Variants in VPS33B observed in about 807,000 individuals in gnomAD.
VPS33B encodes VPS33B late endosome and lysosome associated, also known as vacuolar protein sorting-associated protein 33B.
VPS33B carries 80 observed loss-of-function variants against 95.3 expected under a neutral mutation model. The observed-to-expected ratio is 0.84, with a 90% CI of 0.70 to 1.01. The LOEUF (loss-of-function observed/expected upper bound fraction) is 1.01, where lower values mean the gene tolerates loss of function less well. Among genes scored for constraint, VPS33B ranks in the 50% least tolerant of loss-of-function variants. The probability of loss-of-function intolerance (pLI) is 0.00; values close to 1 mark genes in which losing one functional copy is unlikely to be tolerated. For synonymous variants in VPS33B, 280 were observed against 280.4 expected, an observed-to-expected ratio of 1.00 and a Z score of 0.01; for missense variants, 715 against 773.4, an observed-to-expected ratio of 0.92 and a Z score of 0.90.
chr15:91,008,076 C>CA (rs2040667656), intron 6 of VPS33B, 112 bp from the exon 7 acceptor site: 1 of 932,288 alleles, frequency 1.1e-6, no homozygotes, highest in African/African-American at 1.6e-5. Context: ...GAGTGCCTGC[C>CA]ACATGCCAGT....
chr15:91,019,868 C>T (rs775903507), intron 1 of VPS33B, among the ~76,000 whole-genome samples: 17 of 151,610 alleles, frequency 1.1e-4, no homozygotes, highest in Non-Finnish European at 2.1e-4. Context: ...TGCAATGACG[C>T]GATCTCGGCT....
chr15:91,014,240 AAAG>A (rs2040859942), intron 4 of VPS33B, 141 bp downstream of exon 4: 9 of 877,912 alleles, frequency 1.0e-5, no homozygotes, highest in Admixed American at 2.2e-5. Flanking sequence ...AAAAAAAAAA[AAAG>A]AAGCGGGGAA....
chr15:91,019,688 A>T (rs950712573), intron 1 of VPS33B, among the ~76,000 whole-genome samples: 1 of 152,216 alleles, frequency 6.6e-6, no homozygotes, highest in East Asian at 1.9e-4. Flanking sequence ...CAGGGAGTCC[A>T]CTTAGGGAGT....
In VPS33B at chr15:91,022,193, C is replaced by G. The variant is rs1210213502; in HGVS notation, c.57G>C (p.Lys19Asn). ...AGATGAGCTGGTCTCGAGCCAGCCT[C>G]TTCAGCATGGAGAAGTCAGGCAGCT... Reference protein sequence around the residue: ...APELPDFSMLKRLARDQLIYL... With the variant: ...APELPDFSMLNRLARDQLIYL... The change falls in exon 1 of 23, where the codon AAG (lysine) becomes AAC (asparagine). Residue 19 changes from lysine (K) to asparagine (N), a missense_variant. Coordinates refer to ENST00000333371, the MANE Select transcript of VPS33B (RefSeq NM_018668.5). 2 of 1,585,388 alleles carry G rather than the reference C, an allele frequency of 1.3e-6. No homozygotes were observed. Among genetic ancestry groups the G allele is most frequent in the South Asian group, 2.3e-5 (2 of 87,142 alleles).
chr15:91,012,085 G>GT (rs11430036), intron 5 of VPS33B, among the ~76,000 whole-genome samples: 17,420 of 150,652 alleles, frequency 0.12, 1,199 homozygotes, highest in African/African-American at 0.17. Flanking sequence ...AAAAAAAAAG[G>GT]TTTGTAAGAG....
chr15:91,001,805 G>T (rs1596351087), intron 18 of VPS33B, among the ~76,000 whole-genome samples: 2 of 152,268 alleles, frequency 1.3e-5, no homozygotes, highest in Middle Eastern at 3.4e-3. Flanking sequence ...ATAAAATGAG[G>T]ATGAGAAAAT....
intron 3 of VPS33B, among the ~76,000 whole-genome samples, chr15:91,016,379 T>TC (rs2040926082): frequency 1.5e-5 from 2 of 131,500 alleles, no homozygotes; most frequent in African/African-American, 6.8e-5. Flanking sequence ...ATTCTTCTTT[T>TC]TTTTTTTTTT....
In VPS33B at chr15:91,005,817, A is replaced by G. The variant is rs369752076; in HGVS notation, c.940-33T>C. On this transcript the variant is annotated intron_variant, in intron 12 of 22. Transcript: ENST00000333371. This position sits in a 1 kb window ranked among gnomAD's most constrained non-coding sequence, Gnocchi z 6.4. ...AAAATTCCCAAAGGTGAACCCCCCAACCTCAGACACGAGAAACCACCACCC... is the reference window on the plus strand; with the variant it reads ...AAAATTCCCAAAGGTGAACCCCCCAGCCTCAGACACGAGAAACCACCACCC... 445 of 1,613,360 alleles carry G rather than the reference A, an allele frequency of 2.8e-4. No homozygotes were observed. The highest frequency in any genetic ancestry group is 3.4e-4 in the Non-Finnish European group (404 of 1,179,534).
chr15:91,005,399 C>T lies in VPS33B; in HGVS notation c.1086G>A (p.Glu362=), dbSNP rs1417798978. ...MKKKTKQDFQ[E]LIKTEHALLE... is the part of the protein sequence containing the mutation. ...AGTTACCATGCTCAGTCTTGATTAG[C>T]TCCTGGAAATCCTGCTTGGTTTTCT... is the stretch of plus-strand genomic sequence containing the variant. Residue 362 remains glutamate (E), a synonymous_variant, in exon 14 of 23, where the codon GAG becomes GAA. Coordinates refer to ENST00000333371, the MANE Select transcript of VPS33B (RefSeq NM_018668.5). The surrounding 1 kb of genome is among the most constrained non-coding windows in gnomAD (Gnocchi z 6.4). 2 of 1,614,138 alleles carry T rather than the reference C, an allele frequency of 1.2e-6. No homozygotes were observed. Among genetic ancestry groups the T allele is most frequent in the South Asian group, 1.1e-5 (1 of 91,088 alleles).
At chr15:91,017,367 AATATATAT>A (rs1159663715) in intron 2 of VPS33B, among the ~76,000 whole-genome samples, 416 of 15,746 alleles carry the variant, frequency 0.026, 3 homozygotes, top group Non-Finnish European at 0.037. Context: ...TACAAAATTA[AATATATAT>A]ATATATATAT....
rs1347286097 is a variant in VPS33B, at chr15:91,005,369, G to T, written c.1105+11C>A. On this transcript the variant is annotated intron_variant, in intron 14 of 22. Coordinates refer to ENST00000333371, the MANE Select transcript of VPS33B (RefSeq NM_018668.5). This position sits in a 1 kb window ranked among gnomAD's most constrained non-coding sequence, Gnocchi z 6.4. ...GCGTGGGCAGTAGCACAGCAAGGCT[G>T]CGGCAGTTACCATGCTCAGTCTTGA... 4 of 1,614,062 alleles carry T rather than the reference G, an allele frequency of 2.5e-6. No homozygotes were observed. In the African/African-American group the frequency reaches 5.3e-5, roughly 22 times the overall value.
rs2040383998 is a variant in VPS33B, at chr15:90,999,848, G to A, written c.1657+52C>T. ...CCCTGACATGCTAGTCCTGAGTGGTGCATCCAGCCCACCTCTCACTGCCAG... is the reference window on the plus strand; with the variant it reads ...CCCTGACATGCTAGTCCTGAGTGGTACATCCAGCCCACCTCTCACTGCCAG... On this transcript the variant is annotated intron_variant, in intron 21 of 22. Transcript: ENST00000333371. The surrounding 1 kb of genome is among the most constrained non-coding windows in gnomAD (Gnocchi z 5.1). 2.5e-6 allele frequency: 4 copies of A among 1,613,668 alleles called. No homozygotes were observed. The highest frequency in any genetic ancestry group is 2.7e-5 in the African/African-American group (2 of 74,900).
rs375071362 is a variant in VPS33B at position 91,007,082 on chromosome 15, A to G, written c.604-36T>C. The G allele has an allele frequency of 1.9e-6, 3 of 1,602,078 alleles. No individual in the cohort carries two copies. Among genetic ancestry groups the G allele is most frequent in the African/African-American group, 2.7e-5 (2 of 74,864 alleles). On this transcript the variant is annotated intron_variant, in intron 8 of 22. Transcript: ENST00000333371. The surrounding 1 kb of genome is among the most constrained non-coding windows in gnomAD (Gnocchi z 5.3). Reference sequence around the variant, plus strand: ...CCAAGACATTCTCAGTCTTGTGTCCAGGTCCCTACTGCAGCCCCATACCTA... The same window carrying G: ...CCAAGACATTCTCAGTCTTGTGTCCGGGTCCCTACTGCAGCCCCATACCTA...
Position 91,007,640 on chromosome 15 carries a change from C to T in VPS33B, c.499-67G>A. The T allele has an allele frequency of 6.5e-7, 1 of 1,541,310 alleles. No individual in the cohort carries two copies. The highest frequency in any genetic ancestry group is 9.0e-7 in the Non-Finnish European group (1 of 1,114,660). On this transcript the variant is annotated intron_variant, in intron 7 of 22. Coordinates refer to ENST00000333371, the MANE Select transcript of VPS33B (RefSeq NM_018668.5). The surrounding 1 kb of genome is among the most constrained non-coding windows in gnomAD (Gnocchi z 5.3). Reference sequence around the variant, plus strand: ...GTAGGACCACCTGGAAAGTGGCTAGCCCTAGAAGCCCTGGAGCAGGGTGGC... The same window carrying T: ...GTAGGACCACCTGGAAAGTGGCTAGTCCTAGAAGCCCTGGAGCAGGGTGGC...
intron 5 of VPS33B, among the ~76,000 whole-genome samples, chr15:91,012,616 A>G (rs900120356): frequency 1.3e-5 from 2 of 152,218 alleles, no homozygotes; most frequent in African/African-American, 4.8e-5. Context: ...TGTTCTTCCT[A>G]GTCTAGCTTC....
intron 4 of VPS33B, among the ~76,000 whole-genome samples, 163 bp downstream of exon 4, chr15:91,014,219 CAA>C (rs61232231): frequency 1.7e-4 from 10 of 59,630 alleles, no homozygotes; most frequent in South Asian, 6.0e-4. Flanking sequence ...AACTCCGTCT[CAA>C]AAAAAAAAAA....
In VPS33B at chr15:90,999,947, A is replaced by G. The variant is rs761879749; in HGVS notation, c.1610T>C (p.Leu537Pro). 6.2e-7 allele frequency: 1 copy of G among 1,614,226 alleles called. No homozygotes were observed. Among genetic ancestry groups the G allele is most frequent in the South Asian group, 1.1e-5 (1 of 91,088 alleles). The part of the protein sequence containing the change: ...QVLERRSWQG[L>P]DEVVRLLNCS... ...GTTGAGCAGCCGTACCACCTCATCAAGGCCCTGCCAGCTTCGCCGCTCTAG... is the reference window on the plus strand; with the variant it reads ...GTTGAGCAGCCGTACCACCTCATCAGGGCCCTGCCAGCTTCGCCGCTCTAG... The change falls in exon 21 of 23, where the codon CTT becomes CCT. Residue 537 changes from leucine to proline, a missense_variant. Leu to Pro is a moderately conservative substitution (Grantham distance 98). Transcript: ENST00000333371. The surrounding 1 kb of genome is among the most constrained non-coding windows in gnomAD (Gnocchi z 5.1).
rs971846622 is a variant in VPS33B at position 90,999,243 on chromosome 15, A to G, written c.1775-189T>C. 3.0e-6 allele frequency: 2 copies of G among 659,196 alleles called. No individual in the cohort carries two copies. Among genetic ancestry groups the G allele is most frequent in the Non-Finnish European group, 5.4e-6 (2 of 370,214 alleles). The allele number at this position is 659,196 out of a possible 1,614,324, so 40.8% of individuals were successfully genotyped here. On this transcript the variant is annotated intron_variant, in intron 22 of 22. Transcript: ENST00000333371. The surrounding 1 kb of genome is among the most constrained non-coding windows in gnomAD (Gnocchi z 5.1). Reference sequence around the variant, plus strand: ...GTATAACTGGGCTCCCTGCTGTGGCAGCCCAGAGTTAAGGCTATGGCAAGT... The same window carrying G: ...GTATAACTGGGCTCCCTGCTGTGGCGGCCCAGAGTTAAGGCTATGGCAAGT...
In VPS33B at chr15:91,006,818, G is replaced by A; in HGVS notation, c.701-89C>T. 2 of 1,589,872 alleles carry A rather than the reference G, an allele frequency of 1.3e-6. No individual in the cohort carries two copies. Among genetic ancestry groups the A allele is most frequent in the Non-Finnish European group, 1.7e-6 (2 of 1,158,486 alleles). On this transcript the variant is annotated intron_variant, in intron 9 of 22. Transcript: ENST00000333371. The surrounding 1 kb of genome is among the most constrained non-coding windows in gnomAD (Gnocchi z 5.4). ...AGGGCAGCTTTGATACTTTCCATAG[G>A]GCCAAGGACCCACGCTCCTCAAAGC...
Sources: gnomAD v4.1 joint callset for allele counts (sites outside exome capture counted in the v4.1 genomes callset) on GRCh38, gnomAD v4.1.1 for gene constraint, Gnocchi (gnomAD v3.1) non-coding constraint, MANE v1.5 for transcripts, NCBI Gene and HGNC (gene_info 2026-07-23, HGNC 2026-07-21) for gene names.